MAML3: variants seen among roughly 807,000 people sequenced by gnomAD.
The protein encoded by MAML3 is mastermind like transcriptional coactivator 3.
Under a neutral mutation model 101.9 loss-of-function variants are expected in MAML3, and 27 were observed. The observed-to-expected ratio is 0.27, with a 90% CI of 0.20 to 0.37. The LOEUF (loss-of-function observed/expected upper bound fraction) is 0.37, where lower values mean the gene tolerates loss of function less well. MAML3 is among the 10% of genes least tolerant of loss of function. The probability of loss-of-function intolerance (pLI) is 1.00; values close to 1 mark genes in which losing one functional copy is unlikely to be tolerated. For synonymous variants in MAML3, 501 were observed against 555.9 expected (o/e 0.90, Z 1.39); for missense variants, 1,316 against 1,444.9 (o/e 0.91, Z 1.45).
chr4:139,942,565 T>C (rs1033364055), intron 1 of MAML3, among the ~76,000 whole-genome samples: 1 of 152,160 alleles, frequency 6.6e-6, no homozygotes, highest in African/African-American at 2.4e-5. Context: ...TTTTAGGCTG[T>C]ATATTACTTA....
chr4:139,760,125 A>T (rs1729726405), intron 2 of MAML3, among the ~76,000 whole-genome samples: 1 of 152,246 alleles, frequency 6.6e-6, no homozygotes, highest in Non-Finnish European at 1.5e-5. Context: ...TCCTACTGGT[A>T]CCCAGATTGG....
chr4:139,981,937 G>C (rs559543847), intron 1 of MAML3, among the ~76,000 whole-genome samples: 3 of 152,276 alleles, frequency 2.0e-5, no homozygotes, highest in African/African-American at 4.8e-5. Flanking sequence ...CTGATGTGAA[G>C]CTTCATCATC....
chr4:139,928,067 G>T (rs1242437712), intron 1 of MAML3, among the ~76,000 whole-genome samples: 1 of 152,148 alleles, frequency 6.6e-6, no homozygotes, highest in African/African-American at 2.4e-5. Flanking sequence ...GTCTATCTGT[G>T]TGTCTGTGTG....
intron 1 of MAML3, among the ~76,000 whole-genome samples, chr4:140,034,773 C>A (rs1168704676): frequency 1.3e-5 from 2 of 152,160 alleles, no homozygotes; most frequent in Admixed American, 6.5e-5. Flanking sequence ...GAGGGCATTG[C>A]TATTATTTGA....
chr4:139,865,066 A>C (rs924993239), intron 2 of MAML3, among the ~76,000 whole-genome samples: 3 of 151,426 alleles, frequency 2.0e-5, no homozygotes, highest in Admixed American at 2.0e-4. Flanking sequence ...ATATCATTAG[A>C]GTTTCCTTCA....
At chr4:140,093,945 C>T (rs1279594611) in intron 1 of MAML3, among the ~76,000 whole-genome samples, 1 of 152,210 alleles carries the variant, frequency 6.6e-6, no homozygotes, top group South Asian at 2.1e-4. Context: ...ATCCCCCTGA[C>T]ATTCCATCCT....
chr4:139,847,649 C>T (rs1033103070), intron 2 of MAML3, among the ~76,000 whole-genome samples: 2 of 152,190 alleles, frequency 1.3e-5, no homozygotes, highest in African/African-American at 4.8e-5. Context: ...GAGGTAAAAT[C>T]TTCAAAAATA....
At chr4:140,083,928 G>A (rs557058612) in intron 1 of MAML3, among the ~76,000 whole-genome samples, 117 of 98,766 alleles carry the variant, frequency 1.2e-3, no homozygotes, top group East Asian at 1.0e-2. Context: ...AAACACACAC[G>A]CGCGCACACA....
intron 1 of MAML3, among the ~76,000 whole-genome samples, chr4:140,095,838 T>C (rs1728150536): frequency 6.6e-6 from 1 of 152,120 alleles, no homozygotes; most frequent in Non-Finnish European, 1.5e-5. Context: ...CTCCTCCCCT[T>C]CACCCAGCTA....
intron 1 of MAML3, among the ~76,000 whole-genome samples, chr4:140,113,724 T>A (rs534402219): frequency 1.3e-5 from 2 of 152,348 alleles, no homozygotes; most frequent in East Asian, 3.9e-4. Flanking sequence ...TAACTTCACC[T>A]GTGCACAAAT....
chr4:139,851,921 C>T (rs1219659024), intron 2 of MAML3, among the ~76,000 whole-genome samples: 1 of 152,172 alleles, frequency 6.6e-6, no homozygotes, highest in Non-Finnish European at 1.5e-5. Context: ...GTGAAAGCCG[C>T]TCTTCTAAGT....
chr4:139,720,388 G>T, intron 4 of MAML3, 65 bp from the exon 5 acceptor site: 1 of 1,414,362 alleles, frequency 7.1e-7, no homozygotes, highest in Non-Finnish European at 9.3e-7. Context: ...GCAACAAGAT[G>T]TTGGAATTTT....
Position 140,153,134 on chromosome 4 carries a change from G to T in MAML3, c.194C>A (p.Ala65Glu). ...CACGGTGCTGTGCTTGGGAACGGCCGCCGAACCGCCGCCGGGGCCCCCGGA... is the reference window on the plus strand; with the variant it reads ...CACGGTGCTGTGCTTGGGAACGGCCTCCGAACCGCCGCCGGGGCCCCCGGA... Reference protein sequence around the residue: ...GGSGGPGGGSAAVPKHSTVVE... With the variant: ...GGSGGPGGGSEAVPKHSTVVE... Residue 65 changes from alanine to glutamate, a missense_variant, in exon 1 of 5, where the codon GCG becomes GAG. Physicochemically the swap from Ala to Glu is moderately radical, Grantham distance 107. Transcript: ENST00000509479. The T allele has an allele frequency of 6.5e-7, 1 of 1,550,056 alleles. No individual in the cohort carries two copies. Among genetic ancestry groups the T allele is most frequent in the East Asian group, 2.4e-5 (1 of 40,894 alleles).
chr4:140,006,582 T>A (rs1276206213), intron 1 of MAML3, among the ~76,000 whole-genome samples: 1 of 45,276 alleles, frequency 2.2e-5, no homozygotes, highest in Admixed American at 3.3e-4. Context: ...CGAAACTCTG[T>A]CTCAAAAAAA....
At chr4:139,995,965 C>T (rs1679244214) in intron 1 of MAML3, among the ~76,000 whole-genome samples, 1 of 151,602 alleles carries the variant, frequency 6.6e-6, no homozygotes, top group Non-Finnish European at 1.5e-5. Flanking sequence ...TAGCTGTATC[C>T]CATAATTTTT....
At chr4:139,722,795 T>C (rs376512716) in intron 4 of MAML3, among the ~76,000 whole-genome samples, 4 of 152,370 alleles carry the variant, frequency 2.6e-5, no homozygotes, top group African/African-American at 9.6e-5. Flanking sequence ...AAAACTTCTC[T>C]CCAAGAATGA....
At chr4:140,016,449 A>T (rs1157483724) in intron 1 of MAML3, among the ~76,000 whole-genome samples, 1 of 152,242 alleles carries the variant, frequency 6.6e-6, no homozygotes, top group Non-Finnish European at 1.5e-5. Context: ...GTATGTGAAA[A>T]TGCAAAGAGA....
At chr4:139,732,539 TGAATGGAA>T (rs1183178271) in intron 2 of MAML3, among the ~76,000 whole-genome samples, 1 of 151,118 alleles carries the variant, frequency 6.6e-6, no homozygotes, top group Non-Finnish European at 1.5e-5. Context: ...ACACAATCAA[TGAATGGAA>T]GACACAGAAC....
intron 1 of MAML3, among the ~76,000 whole-genome samples, chr4:140,121,463 T>C (rs1261630213): frequency 6.6e-6 from 1 of 152,206 alleles, no homozygotes; most frequent in Non-Finnish European, 1.5e-5. Context: ...CTGGCAATCA[T>C]GACTAAAGCA....
Sources: gnomAD v4.1 joint callset for allele counts (sites outside exome capture counted in the v4.1 genomes callset) on GRCh38, gnomAD v4.1.1 for gene constraint, MANE v1.5 for transcripts, NCBI Gene and HGNC (gene_info 2026-07-23, HGNC 2026-07-21) for gene names.